Variants in COL18A1 observed in about 807,000 individuals in gnomAD.
COL18A1 encodes the protein collagen alpha-1(XVIII) chain.
Under a neutral mutation model 168.0 loss-of-function variants are expected in COL18A1, and 133 were observed. The observed-to-expected ratio is 0.79, with a 90% confidence interval of 0.69 to 0.91. The LOEUF is 0.91. Among genes scored for constraint, COL18A1 ranks in the 40% least tolerant of loss-of-function variants. The pLI is 0.00. For missense variants in COL18A1, 2,126 were observed against 1,925.4 expected (o/e 1.10, Z -1.95); for synonymous variants, 949 against 809.0 (o/e 1.17, Z -2.94).
intron 38 of COL18A1, among the ~76,000 whole-genome samples, chr21:45,508,756 C>A (rs1054146544): frequency 3.3e-5 from 5 of 152,108 alleles, no homozygotes; most frequent in African/African-American, 1.2e-4. Flanking sequence ...ATAGTCATGG[C>A]CCCTCCTGTG....
At chr21:45,438,871 G>A (rs2034292518) in intron 2 of COL18A1, among the ~76,000 whole-genome samples, 1 of 152,228 alleles carries the variant, frequency 6.6e-6, no homozygotes, top group Non-Finnish European at 1.5e-5. Flanking sequence ...GGCATCCAGA[G>A]GCACATTCCA....
At chr21:45,464,904 G>A (rs115309555) in intron 2 of COL18A1, among the ~76,000 whole-genome samples, 1,608 of 152,268 alleles carry the variant, frequency 0.011, 26 homozygotes, top group African/African-American at 0.037. Flanking sequence ...CAGCTGTTGT[G>A]CCGTGGACAT....
rs2145889726 is a variant in COL18A1 at position 45,468,247 on chromosome 21, A to G, written c.112A>G (p.Ile38Val). 2 of 1,613,012 alleles carry G rather than the reference A, an allele frequency of 1.2e-6. No homozygotes were observed. The highest frequency in any genetic ancestry group is 1.7e-6 in the Non-Finnish European group (2 of 1,180,020). The stretch of plus-strand genomic sequence containing the variant: ...AGCTGTCTTTCTTTTTGCAGAGCGC[A>G]TCAGCGAGGAGGTGGGGCTGCTGCA... ...VRAASAEPER[I>V]SEEVGLLQLL... The change falls in exon 3 of 42, where the codon ATC (isoleucine) becomes GTC (valine). Residue 38 changes from isoleucine (I) to valine (V), a missense_variant. Ile to Val is a conservative substitution (Grantham distance 29). Coordinates refer to ENST00000651438, the MANE Select transcript of COL18A1 (RefSeq NM_001379500.1).
rs1381567781 is a variant in COL18A1, at chr21:45,501,773, CCCCAGGGG to C, written c.2684-2236_2684-2229del. On this transcript the variant is annotated intron_variant, in intron 32 of 41. Coordinates refer to ENST00000651438, the MANE Select transcript of COL18A1 (RefSeq NM_001379500.1). The stretch of plus-strand genomic sequence containing the variant: ...CGGTCACCTCCCTCTGCAGAAGGAC[CCCCAGGGG>C]CTCCACAGCCGGTCACCTCTCTCTG... Among the ~76,000 whole-genome samples the C allele has an allele frequency of 1.5e-3, 107 of 71,504 alleles. 1 individual carries two copies. The highest frequency in any genetic ancestry group is 5.1e-3 in the South Asian group (7 of 1,384). The allele number at this position is 71,504 out of a possible 152,430, so 46.9% of individuals were successfully genotyped here.
rs759308929 is a variant in COL18A1 at position 45,457,146 on chromosome 21, G to A, written c.107-11096G>A. Among the ~76,000 whole-genome samples the A allele has an allele frequency of 3.9e-5, 6 of 152,134 alleles. No individual in the cohort carries two copies. The highest frequency in any genetic ancestry group is 7.4e-5 in the Non-Finnish European group (5 of 68,026). On this transcript the variant is annotated intron_variant, in intron 2 of 41. Transcript: ENST00000651438. The surrounding 1 kb of genome is among the most constrained non-coding windows in gnomAD (Gnocchi z 4.6). ...CCTGGAGCTCCCTGAGCATTTTAGCGCATTTAGTCCTCAGCACGGTCCCGA... is the reference window on the plus strand; with the variant it reads ...CCTGGAGCTCCCTGAGCATTTTAGCACATTTAGTCCTCAGCACGGTCCCGA...
intron 38 of COL18A1, among the ~76,000 whole-genome samples, chr21:45,508,483 A>ATGGG (rs898984734): frequency 2.7e-5 from 4 of 147,318 alleles, no homozygotes; most frequent in African/African-American, 1.0e-4. Flanking sequence ...GGGTGAGTGG[A>ATGGG]TGGGTGGGTG....
Position 45,504,546 on chromosome 21 carries a change from C to A in COL18A1, c.2858C>A (p.Pro953His), listed in dbSNP as rs1464897062. 6.3e-7 allele frequency: 1 copy of A among 1,576,962 alleles called. No homozygotes were observed. The highest frequency in any genetic ancestry group is 8.6e-7 in the Non-Finnish European group (1 of 1,162,638). ...GGCCCCCCAGGCCCACGTGGCTACC[C>A]TGGGATTCCAGTAAGTCCCAGCCTG... The part of the protein sequence containing the change: ...PPGPPGPRGY[P>H]GIPGPKGESI... The change falls in exon 34 of 42, where the codon CCT becomes CAT. Residue 953 changes from proline (P) to histidine (H), a missense_variant. Physicochemically the swap from Pro to His is moderately conservative, Grantham distance 77. Coordinates refer to ENST00000651438, the MANE Select transcript of COL18A1 (RefSeq NM_001379500.1).
rs2035308819 is a variant in COL18A1 at position 45,468,784 on chromosome 21, CAG to C, written c.650_651del (p.Gln217ArgfsTer5). The C allele has an allele frequency of 6.3e-7, 1 of 1,592,636 alleles. No individual in the cohort carries two copies. The highest frequency in any genetic ancestry group is 8.5e-7 in the Non-Finnish European group (1 of 1,175,890). ...GGGGGGAGCGGACCCTGACAAGTTC[CAG>C]GTAACCCCCACTGTGCCGTCGCTGG... Reference protein sequence around the residue: ...QAGGADPDKFQGVIAELKVRR... With the variant: ...QAGGADPDKFXGVIAELKVRR... On this transcript the variant is annotated frameshift_variant and splice_region_variant, in exon 3 of 42. Transcript: ENST00000651438. LOFTEE classifies it high-confidence loss of function.
intron 17 of COL18A1, among the ~76,000 whole-genome samples, 180 bp from the exon 18 acceptor site, chr21:45,488,238 G>T (rs896733047): frequency 6.6e-6 from 1 of 152,382 alleles, no homozygotes; most frequent in Middle Eastern, 3.4e-3. Context: ...ATTTCAATTA[G>T]GCAGAAACTA....
In COL18A1 at chr21:45,405,296, GTCGCGGGGGT is replaced by G. The variant is rs1569270157; in HGVS notation, c.11+56_11+65del. 1.7e-3 allele frequency: 848 copies of G among 504,622 alleles called. 5 individuals are homozygous for G. Among genetic ancestry groups the G allele is most frequent in the Admixed American group, 4.7e-3 (49 of 10,438 alleles). 31.3% of individuals were successfully genotyped at this position (504,622 alleles called of 1,614,324 possible). On this transcript the variant is annotated intron_variant, in intron 1 of 41. Transcript: ENST00000651438. ...GGGACGCCAAGATGCGGCTGCGGGG[GTCGCGGGGGT>G]CGCGGGGCTCGGCCGGGTCCTGCGG... is the stretch of plus-strand genomic sequence containing the variant.
chr21:45,455,978 G>A (rs2034789621), intron 2 of COL18A1: 4 of 1,612,900 alleles, frequency 2.5e-6, no homozygotes, highest in African/African-American at 1.3e-5. Context: ...GACTCCTGTG[G>A]GCCCCCTTGC....
rs1050673497 is a variant in COL18A1 at position 45,434,923 on chromosome 21, T to C, written c.106+29450T>C. Among the ~76,000 whole-genome samples, 7 of 152,148 alleles carry C rather than the reference T, an allele frequency of 4.6e-5. No individual in the cohort carries two copies. In the South Asian group the frequency reaches 8.3e-4, roughly 18 times the overall value. On this transcript the variant is annotated intron_variant, in intron 2 of 41. Transcript: ENST00000651438. ...GACCAGGCCCTGGTTCCTGTGATGC[T>C]GACAGGCTGTGGCTTGAGAGCCTGG...
At chr21:45,434,458 G>A (rs1156285254) in intron 2 of COL18A1, among the ~76,000 whole-genome samples, 3 of 152,194 alleles carry the variant, frequency 2.0e-5, no homozygotes, top group African/African-American at 7.2e-5. Flanking sequence ...TCTCTCCGGG[G>A]GGGTTTGCAG....
At chr21:45,474,185 T>C (rs1325971975) in intron 4 of COL18A1, among the ~76,000 whole-genome samples, 5 of 152,162 alleles carry the variant, frequency 3.3e-5, no homozygotes, top group South Asian at 4.1e-4. Flanking sequence ...CAAAGCATGA[T>C]ATAAACACCA....
chr21:45,409,779 G>T (rs200740538), intron 2 of COL18A1, among the ~76,000 whole-genome samples: 17 of 152,316 alleles, frequency 1.1e-4, no homozygotes, highest in African/African-American at 4.1e-4. Context: ...CTTCCTCTAG[G>T]GGTTCTGTGA....
chr21:45,429,495 C>T (rs2033896953), intron 2 of COL18A1, among the ~76,000 whole-genome samples: 2 of 152,222 alleles, frequency 1.3e-5, no homozygotes, highest in Admixed American at 6.5e-5. Context: ...ACCCACTGTG[C>T]ACCCAGCACC....
At chr21:45,482,679 C>A in intron 14 of COL18A1, 116 bp from the exon 15 acceptor site, 1 of 1,479,086 alleles carries the variant, frequency 6.8e-7, no homozygotes, top group Non-Finnish European at 9.4e-7. Flanking sequence ...TAAACCGGCA[C>A]AGGCAGCAAA....
At chr21:45,475,702 G>T (rs1193219243) in intron 5 of COL18A1, among the ~76,000 whole-genome samples, 167 bp downstream of exon 5, 1 of 152,220 alleles carries the variant, frequency 6.6e-6, no homozygotes, top group Non-Finnish European at 1.5e-5. Context: ...GCAGACGCTC[G>T]GAGCCTGGGC....
At chr21:45,440,868 C>T (rs1252835002) in intron 2 of COL18A1, among the ~76,000 whole-genome samples, 1 of 152,192 alleles carries the variant, frequency 6.6e-6, no homozygotes, top group African/African-American at 2.4e-5. Context: ...TGAGGTTTCC[C>T]AGCACCCTGG....
Sources: gnomAD v4.1 joint callset for allele counts (sites outside exome capture counted in the v4.1 genomes callset) on GRCh38, gnomAD v4.1.1 for gene constraint, Gnocchi (gnomAD v3.1) non-coding constraint, MANE v1.5 for transcripts, NCBI Gene and HGNC (gene_info 2026-07-23, HGNC 2026-07-21) for gene names.